PXDNL: variants seen among roughly 807,000 people sequenced by gnomAD.
The protein encoded by PXDNL is peroxidasin like, also known as probable oxidoreductase PXDNL.
In PXDNL, 145 loss-of-function variants were observed where a neutral mutation model predicts 150.8. The observed-to-expected ratio is 0.96, with a 90% CI of 0.84 to 1.10. The LOEUF (loss-of-function observed/expected upper bound fraction) is 1.10, where lower values mean the gene tolerates loss of function less well. PXDNL is among the 50% of genes least tolerant of loss of function. The pLI is 0.00. For synonymous variants in PXDNL, 757 were observed against 725.7 expected, an observed-to-expected ratio of 1.04 and a Z score of -0.69; for missense variants, 2,087 against 1,873.9, an observed-to-expected ratio of 1.11 and a Z score of -2.10.
In PXDNL at chr8:51,469,458, A is replaced by G. The variant is rs187431508; in HGVS notation, c.812+2729T>C. 5.9e-5 allele frequency among the ~76,000 whole-genome samples: 9 copies of G among 152,164 alleles called. 1 individual carries two copies. The highest frequency in any genetic ancestry group is 2.2e-4 in the African/African-American group (9 of 41,548). On this transcript the variant is annotated intron_variant, in intron 8 of 22. Coordinates refer to ENST00000356297, the MANE Select transcript of PXDNL (RefSeq NM_144651.5). ...TGTCTTTCTGGAACTCCTACTGGAT[A>G]GACACCAGACCTTTGCATTGTAGTC...
At chr8:51,632,897 G>T (rs1253328497) in intron 2 of PXDNL, among the ~76,000 whole-genome samples, 3 of 151,754 alleles carry the variant, frequency 2.0e-5, no homozygotes, top group African/African-American at 7.3e-5. Context: ...TGTAATTTTA[G>T]ATTTTCTGTT....
chr8:51,320,733 G>T, intron 22 of PXDNL, 51 bp downstream of exon 22: 5 of 1,260,588 alleles, frequency 4.0e-6, no homozygotes, highest in Non-Finnish European at 5.6e-6. Flanking sequence ...GCTTCAACTG[G>T]CTGGCTAGAA....
In PXDNL at chr8:51,464,574, A is replaced by G. The variant is rs75980134; in HGVS notation, c.813-6907T>C. On this transcript the variant is annotated intron_variant, in intron 8 of 22. Transcript: ENST00000356297. ...CCCACAGAAATACAAAAGACCAGAG[A>G]GTCTATTAAGAGGAAATGGACAATT... Among the ~76,000 whole-genome samples, 1,361 of 152,286 alleles carry G rather than the reference A, an allele frequency of 8.9e-3. 10 individuals carry two copies. The highest frequency in any genetic ancestry group is 0.031 in the African/African-American group (1,304 of 41,550).
chr8:51,362,904 T>C (rs1263748090), intron 19 of PXDNL, among the ~76,000 whole-genome samples: 3 of 152,226 alleles, frequency 2.0e-5, no homozygotes, highest in Non-Finnish European at 2.9e-5. Context: ...TGGCAAAATA[T>C]GGTTTCAAAA....
chr8:51,697,101 C>T (rs143203057), intron 1 of PXDNL, among the ~76,000 whole-genome samples: 1 of 152,060 alleles, frequency 6.6e-6, no homozygotes, highest in Admixed American at 6.5e-5. Context: ...GTCAGGAGTT[C>T]GAGACCAGCC....
intron 17 of PXDNL, among the ~76,000 whole-genome samples, chr8:51,398,227 G>A (rs1180177466): frequency 6.6e-6 from 1 of 152,226 alleles, no homozygotes; most frequent in African/African-American, 2.4e-5. Flanking sequence ...CGCCCACACT[G>A]CACAGGGCAC....
At chr8:51,500,209 A>G (rs925290272) in intron 4 of PXDNL, among the ~76,000 whole-genome samples, 8 of 152,200 alleles carry the variant, frequency 5.3e-5, no homozygotes, top group African/African-American at 1.9e-4. Flanking sequence ...GAGTCAAAGT[A>G]TGGCATATTT....
intron 12 of PXDNL, among the ~76,000 whole-genome samples, chr8:51,446,122 G>A (rs1320396915): frequency 1.3e-5 from 2 of 152,140 alleles, no homozygotes; most frequent in Non-Finnish European, 2.9e-5. Context: ...GCTCAGTGTA[G>A]GCCTTCATCT....
intron 2 of PXDNL, among the ~76,000 whole-genome samples, chr8:51,600,871 TAAATTACATCTTATATAAATTATATA>T: frequency 7.2e-6 from 1 of 139,414 alleles, no homozygotes; most frequent in African/African-American, 2.7e-5. Flanking sequence ...GTTTAGATAA[TAAATTACATCTTATATAAATTATATA>T]GTTTAGATAA....
intron 12 of PXDNL, among the ~76,000 whole-genome samples, chr8:51,443,730 C>T (rs1809607607): frequency 6.6e-6 from 1 of 152,188 alleles, no homozygotes; most frequent in Admixed American, 6.5e-5. Flanking sequence ...CTTTCAAATT[C>T]AATCTCTTAC....
At chr8:51,677,833 T>C (rs141087109) in intron 1 of PXDNL, among the ~76,000 whole-genome samples, 1 of 152,216 alleles carries the variant, frequency 6.6e-6, no homozygotes, top group Non-Finnish European at 1.5e-5. Context: ...AAAGTAAATA[T>C]AGAACCTTCA....
intron 12 of PXDNL, among the ~76,000 whole-genome samples, chr8:51,441,598 T>C (rs1809549573): frequency 6.6e-6 from 1 of 152,210 alleles, no homozygotes. Context: ...TTGAAATCAA[T>C]GCACAGTTTT....
At chr8:51,665,064 C>T (rs1472153555) in intron 1 of PXDNL, among the ~76,000 whole-genome samples, 32 of 152,196 alleles carry the variant, frequency 2.1e-4, no homozygotes, top group Admixed American at 2.0e-3. Flanking sequence ...ACCATCTGCT[C>T]GGGTGCCTCT....
At chr8:51,683,790 A>G (rs1360777737) in intron 1 of PXDNL, among the ~76,000 whole-genome samples, 2 of 152,192 alleles carry the variant, frequency 1.3e-5, no homozygotes, top group African/African-American at 4.8e-5. Context: ...CAGAGATTCC[A>G]AGGCATGCGA....
At chr8:51,625,522 G>A (rs1279325824) in intron 2 of PXDNL, among the ~76,000 whole-genome samples, 2 of 152,012 alleles carry the variant, frequency 1.3e-5, no homozygotes, top group African/African-American at 2.4e-5. Flanking sequence ...TAAAATACAC[G>A]ATAATTTCAT....
At chr8:51,542,781 G>A (rs1812249126) in intron 4 of PXDNL, among the ~76,000 whole-genome samples, 1 of 150,720 alleles carries the variant, frequency 6.6e-6, no homozygotes, top group Non-Finnish European at 1.5e-5. Context: ...TTGCACTCCA[G>A]CCCAGGTGAC....
chr8:51,449,264 GTGCTT>G, intron 10 of PXDNL, 146 bp from the exon 11 acceptor site: 1 of 582,890 alleles, frequency 1.7e-6, no homozygotes, highest in South Asian at 2.3e-5. Context: ...GAGTGTGGAG[GTGCTT>G]CTGTATGTTT....
In PXDNL at chr8:51,654,713, T is replaced by C. The variant is rs1343736689; in HGVS notation, c.212A>G (p.Lys71Arg). 6.2e-7 allele frequency: 1 copy of C among 1,613,442 alleles called. No homozygotes were observed. Among genetic ancestry groups the C allele is most frequent in the East Asian group, 2.2e-5 (1 of 44,854 alleles). The part of the protein sequence containing the change: ...RIREIPGSAF[K>R]KLKNLNTLLL... The stretch of plus-strand genomic sequence containing the variant: ...CAGTGTGTTCAAATTCTTGAGTTTC[T>C]TGAAGGCGCTCCCTGGAATTTCTCT... The change falls in exon 2 of 23, where the codon AAG becomes AGG. Residue 71 changes from lysine (K) to arginine (R), a missense_variant. Lys to Arg is a conservative substitution (Grantham distance 26). Coordinates refer to ENST00000356297, the MANE Select transcript of PXDNL (RefSeq NM_144651.5).
chr8:51,532,232 AG>A (rs59359169), intron 4 of PXDNL, among the ~76,000 whole-genome samples: 4,632 of 152,302 alleles, frequency 0.03, 223 homozygotes, highest in African/African-American at 0.11. Context: ...AAGAAAAAAA[AG>A]AGATTGCTAA....
Sources: gnomAD v4.1 joint callset for allele counts (sites outside exome capture counted in the v4.1 genomes callset) on GRCh38, gnomAD v4.1.1 for gene constraint, MANE v1.5 for transcripts, NCBI Gene and HGNC (gene_info 2026-07-23, HGNC 2026-07-21) for gene names.